The following PRKG1 variants were observed in gnomAD, a reference collection of about 807,000 sequenced individuals.
PRKG1 encodes protein kinase cGMP-dependent 1, also known as cGMP-dependent protein kinase 1.
PRKG1 carries 35 observed loss-of-function variants against 88.1 expected under a neutral mutation model. The observed-to-expected ratio is 0.40, with a 90% CI of 0.30 to 0.53. The LOEUF (loss-of-function observed/expected upper bound fraction) is 0.53. Ranked by LOEUF, PRKG1 falls within the 20% of genes least tolerant of loss-of-function variation. The pLI is 0.59. For synonymous variants in PRKG1, 303 were observed against 292.5 expected, an observed-to-expected ratio of 1.04 and a Z score of -0.37; for missense variants, 540 against 839.8, an observed-to-expected ratio of 0.64 and a Z score of 4.41.
At chr10:51,808,426 T>A (rs1455582686) in intron 4 of PRKG1, among the ~76,000 whole-genome samples, 1 of 152,036 alleles carries the variant, frequency 6.6e-6, no homozygotes, top group Non-Finnish European at 1.5e-5. Context: ...TGCAACCCTG[T>A]CTCTGCAAAA....
intron 2 of PRKG1, 119 bp from the exon 3 acceptor site, chr10:51,467,604 G>A (rs1839941091): frequency 1.4e-6 from 1 of 707,480 alleles, no homozygotes; most frequent in African/African-American, 1.8e-5. Flanking sequence ...TGGTGACTTT[G>A]TTTTAATTGG....
intron 3 of PRKG1, among the ~76,000 whole-genome samples, chr10:51,732,370 A>G (rs910240754): frequency 2.6e-5 from 4 of 152,222 alleles, no homozygotes; most frequent in Admixed American, 2.6e-4. Flanking sequence ...AATTTAGGTC[A>G]TAACAGGTTC....
intron 5 of PRKG1, among the ~76,000 whole-genome samples, chr10:51,920,398 G>A (rs1324070436): frequency 6.6e-6 from 1 of 152,154 alleles, no homozygotes; most frequent in Non-Finnish European, 1.5e-5. Context: ...CCACAAGGAT[G>A]TGAAGGCCTC....
At chr10:51,771,805 C>T (rs1321814747) in intron 3 of PRKG1, among the ~76,000 whole-genome samples, 2 of 152,088 alleles carry the variant, frequency 1.3e-5, no homozygotes, top group Non-Finnish European at 2.9e-5. Flanking sequence ...ATGCAGGATT[C>T]ATGGCCTGGC....
intron 3 of PRKG1, among the ~76,000 whole-genome samples, chr10:51,795,922 G>T (rs564497736): frequency 2.6e-5 from 4 of 152,062 alleles, no homozygotes; most frequent in African/African-American, 9.6e-5. Flanking sequence ...TGAAAAACAT[G>T]GTCCAACTTG....
At chr10:51,188,822 T>C (rs1837560824) in intron 2 of PRKG1, among the ~76,000 whole-genome samples, 2 of 151,912 alleles carry the variant, frequency 1.3e-5, no homozygotes, top group Admixed American at 6.6e-5. Context: ...GGCAAAGACC[T>C]GGGCCAAATT....
chr10:51,440,524 A>T (rs138621919), intron 2 of PRKG1, among the ~76,000 whole-genome samples: 279 of 152,100 alleles, frequency 1.8e-3, no homozygotes, highest in African/African-American at 6.6e-3. Flanking sequence ...ATGAGCAGAT[A>T]CAGTGTCAGA....
intron 3 of PRKG1, among the ~76,000 whole-genome samples, chr10:51,537,758 G>T (rs1051945991): frequency 2.0e-5 from 3 of 151,678 alleles, no homozygotes; most frequent in African/African-American, 7.3e-5. Context: ...ATTACTCGGG[G>T]AGCTTTTAAA....
intron 4 of PRKG1, among the ~76,000 whole-genome samples, chr10:51,837,762 T>A (rs533375253): frequency 6.6e-6 from 1 of 152,216 alleles, no homozygotes; most frequent in Non-Finnish European, 1.5e-5. Flanking sequence ...AAAGACTGTA[T>A]CTTTTGTCTC....
At chr10:51,668,204 GA>G (rs1840470130) in intron 3 of PRKG1, among the ~76,000 whole-genome samples, 1 of 152,128 alleles carries the variant, frequency 6.6e-6, no homozygotes, top group Non-Finnish European at 1.5e-5. Context: ...AGTATGTCAG[GA>G]AGGTTAATGA....
At chr10:51,966,733 G>A (rs900951479) in intron 5 of PRKG1, among the ~76,000 whole-genome samples, 5 of 152,082 alleles carry the variant, frequency 3.3e-5, no homozygotes, top group Non-Finnish European at 5.9e-5. Flanking sequence ...TGCCAGCAGC[G>A]CCCTGGTGTG....
intron 3 of PRKG1, among the ~76,000 whole-genome samples, chr10:51,516,451 A>G (rs1191139603): frequency 6.6e-6 from 1 of 152,070 alleles, no homozygotes; most frequent in Non-Finnish European, 1.5e-5. Context: ...TTCAAAAAGA[A>G]CAATCGGGAG....
intron 2 of PRKG1, among the ~76,000 whole-genome samples, chr10:51,246,451 AT>A (rs1455170813): frequency 2.0e-5 from 3 of 151,516 alleles, no homozygotes; most frequent in Admixed American, 6.6e-5. Flanking sequence ...ACACAGGCCT[AT>A]TTTTTTTCAC....
Position 51,842,912 on chromosome 10 carries a change from G to A in PRKG1, c.698+38222G>A, listed in dbSNP as rs560236743. Among the ~76,000 whole-genome samples the A allele has an allele frequency of 2.4e-3, 360 of 151,806 alleles. 1 individual carries two copies. Among genetic ancestry groups the A allele is most frequent in the African/African-American group, 8.3e-3 (346 of 41,446 alleles). ...GTGTTATATTTAATGCTTACTCTAA[G>A]AAATGTGAAACAATTTTCTATTTTC... On this transcript the variant is annotated intron_variant, in intron 4 of 17. Transcript: ENST00000373980.
chr10:51,963,696 C>T (rs1336410416), intron 5 of PRKG1, among the ~76,000 whole-genome samples: 1 of 152,140 alleles, frequency 6.6e-6, no homozygotes. Context: ...GATCCACCCA[C>T]TCCAGCCTCC....
intron 5 of PRKG1, chr10:52,046,872 G>C (rs1845874833): frequency 6.6e-6 from 1 of 152,178 alleles, no homozygotes; most frequent in Admixed American, 6.6e-5. Flanking sequence ...CTCTGCACCT[G>C]AAGTTCAGAC....
intron 1 of PRKG1, among the ~76,000 whole-genome samples, chr10:51,142,608 T>C (rs1029486419): frequency 1.4e-4 from 22 of 152,128 alleles, no homozygotes; most frequent in Non-Finnish European, 2.9e-5. Flanking sequence ...AAGTGTTTTA[T>C]TGCAGGCTGA....
intron 3 of PRKG1, among the ~76,000 whole-genome samples, chr10:51,595,921 G>A (rs867827904): frequency 2.6e-5 from 4 of 151,860 alleles, no homozygotes; most frequent in Admixed American, 2.6e-4. Flanking sequence ...TGCAACCTCT[G>A]CCGGATTCAA....
intron 7 of PRKG1, among the ~76,000 whole-genome samples, chr10:52,130,284 A>T (rs1837219302): frequency 1.3e-5 from 2 of 151,850 alleles, no homozygotes; most frequent in South Asian, 4.2e-4. Context: ...TAACTATGTC[A>T]CTCTTCTGAT....
Sources: gnomAD v4.1 joint callset for allele counts (sites outside exome capture counted in the v4.1 genomes callset) on GRCh38, gnomAD v4.1.1 for gene constraint, MANE v1.5 for transcripts, NCBI Gene and HGNC (gene_info 2026-07-23, HGNC 2026-07-21) for gene names.